EPHA3: variants seen among roughly 807,000 people sequenced by gnomAD.
EPHA3 encodes the protein ephrin type-A receptor 3.
EPHA3 carries 42 observed loss-of-function variants against 107.1 expected under a neutral mutation model. That is an observed-to-expected ratio of 0.39 (90% confidence interval 0.31 to 0.51). The LOEUF (loss-of-function observed/expected upper bound fraction) is 0.51. EPHA3 is among the 20% of genes least tolerant of loss of function. The probability of loss-of-function intolerance (pLI) is 0.78; values close to 1 mark genes in which losing one functional copy is unlikely to be tolerated. For synonymous variants in EPHA3, 461 were observed against 424.8 expected (o/e 1.09, Z -1.05); for missense variants, 1,183 against 1,211.2 (o/e 0.98, Z 0.35).
At chr3:89,149,552 G>A (rs956598311) in intron 2 of EPHA3, among the ~76,000 whole-genome samples, 1 of 151,862 alleles carries the variant, frequency 6.6e-6, no homozygotes, top group Admixed American at 6.6e-5. Flanking sequence ...TGTTACATAT[G>A]TATACATGTG....
In EPHA3 at chr3:89,229,270, C is replaced by T. The variant is rs1704571208; in HGVS notation, c.814+18750C>T. ...TCAGTGAATAAAGAAGTAAAAATCA[C>T]TTTAGTGATAAATTACTCTGTAATT... On this transcript the variant is annotated intron_variant, in intron 3 of 16. Transcript: ENST00000336596. Among the ~76,000 whole-genome samples the T allele has an allele frequency of 5.3e-5, 8 of 152,010 alleles. 1 individual carries two copies. In the South Asian group the frequency reaches 1.5e-3, roughly 28 times the overall value.
At chr3:89,178,230 A>C (rs1382522924) in intron 2 of EPHA3, among the ~76,000 whole-genome samples, 1 of 136,862 alleles carries the variant, frequency 7.3e-6, no homozygotes, top group African/African-American at 2.6e-5. Flanking sequence ...GCTTATAATC[A>C]AGAGACATAT....
At chr3:89,341,336 A>G (rs1250042637) in intron 4 of EPHA3, among the ~76,000 whole-genome samples, 1 of 152,192 alleles carries the variant, frequency 6.6e-6, no homozygotes, top group East Asian at 1.9e-4. Context: ...TAGATCCTGC[A>G]TTACATATGA....
At chr3:89,299,724 C>T (rs1271312859) in intron 3 of EPHA3, among the ~76,000 whole-genome samples, 1 of 151,898 alleles carries the variant, frequency 6.6e-6, no homozygotes, top group Non-Finnish European at 1.5e-5. Context: ...AATCCAGTCT[C>T]TTATTACAGA....
intron 2 of EPHA3, among the ~76,000 whole-genome samples, chr3:89,138,425 A>C (rs1299367327): frequency 1.3e-5 from 2 of 151,960 alleles, no homozygotes; most frequent in Non-Finnish European, 2.9e-5. Flanking sequence ...CCAAAAACTA[A>C]ATAAACAATG....
At chr3:89,271,588 C>A (rs1339842772) in intron 3 of EPHA3, among the ~76,000 whole-genome samples, 1 of 151,722 alleles carries the variant, frequency 6.6e-6, no homozygotes, top group South Asian at 2.1e-4. Flanking sequence ...TAAAACAAAA[C>A]GTATACTGTT....
chr3:89,112,684 CAT>C (rs1342990527), intron 1 of EPHA3, among the ~76,000 whole-genome samples: 1 of 151,124 alleles, frequency 6.6e-6, no homozygotes, highest in Non-Finnish European at 1.5e-5. Context: ...TTTTCCAAGT[CAT>C]AAGATCTTCA....
rs1223575275 is a variant in EPHA3, at chr3:89,449,138, G to T, written c.2347-87G>T. ...CCATTTCAGAACAGAAATACTATGAGAAATTCTGTCCGGTTTCAGATTATG... is the reference window on the plus strand; with the variant it reads ...CCATTTCAGAACAGAAATACTATGATAAATTCTGTCCGGTTTCAGATTATG... On this transcript the variant is annotated intron_variant, in intron 13 of 16. Coordinates refer to ENST00000336596, the MANE Select transcript of EPHA3 (RefSeq NM_005233.6). 15 of 1,276,266 alleles carry T rather than the reference G, an allele frequency of 1.2e-5. No homozygotes were observed. In the African/African-American group the frequency reaches 2.0e-4, roughly 17 times the overall value. 79.1% of individuals were successfully genotyped at this position (1,276,266 alleles called of 1,614,324 possible).
intron 3 of EPHA3, among the ~76,000 whole-genome samples, chr3:89,306,806 G>A (rs905876416): frequency 6.6e-6 from 1 of 152,148 alleles, no homozygotes; most frequent in Non-Finnish European, 1.5e-5. Context: ...GCAGAATTCT[G>A]TCTTTCAATA....
In EPHA3 at chr3:89,145,792, AT is replaced by A. The variant is rs1323142270; in HGVS notation, c.153+18522del. On this transcript the variant is annotated intron_variant, in intron 2 of 16. Coordinates refer to ENST00000336596, the MANE Select transcript of EPHA3 (RefSeq NM_005233.6). The stretch of plus-strand genomic sequence containing the variant: ...TTTTTCTCAAGTGTGTCTAGAATCG[AT>A]TTCTCACTCTCCATTTCACTGTTGC... 2.0e-5 allele frequency among the ~76,000 whole-genome samples: 3 copies of A among 151,538 alleles called. No homozygotes were observed. In the Admixed American group the frequency reaches 2.0e-4, roughly 10 times the overall value.
chr3:89,394,524 A>C (rs911319174), intron 5 of EPHA3, among the ~76,000 whole-genome samples: 7 of 152,218 alleles, frequency 4.6e-5, no homozygotes, highest in Admixed American at 2.0e-4. Context: ...AGTAGATTCT[A>C]TTTTTTGGTG....
chr3:89,460,131 T>C (rs1710192763), intron 15 of EPHA3, among the ~76,000 whole-genome samples: 1 of 152,186 alleles, frequency 6.6e-6, no homozygotes, highest in Admixed American at 6.5e-5. Context: ...ATGAGATTTT[T>C]ATTATTGACA....
Position 89,125,014 on chromosome 3 carries a change from T to C in EPHA3, c.89-2195T>C, listed in dbSNP as rs144373172. Among the ~76,000 whole-genome samples the C allele has an allele frequency of 1.7e-3, 265 of 152,030 alleles. 1 individual carries two copies. Among genetic ancestry groups the C allele is most frequent in the African/African-American group, 5.8e-3 (243 of 41,556 alleles). ...TATCAGAAGAAACGTAAGGATATGG[T>C]AGTTCATTAGTTGACAACCTACATT... On this transcript the variant is annotated intron_variant, in intron 1 of 16. Transcript: ENST00000336596.
intron 3 of EPHA3, among the ~76,000 whole-genome samples, chr3:89,298,924 G>A (rs1188607232): frequency 6.6e-6 from 1 of 151,982 alleles, no homozygotes; most frequent in Non-Finnish European, 1.5e-5. Flanking sequence ...TCATGAAGAT[G>A]ATAATACAGG....
At chr3:89,210,572 A>G (rs768314298) in intron 3 of EPHA3, 52 bp downstream of exon 3, 3 of 1,480,438 alleles carry the variant, frequency 2.0e-6, no homozygotes, top group Admixed American at 2.5e-5. Context: ...CTATGAGTTT[A>G]TCATAGTGTC....
chr3:89,445,345 T>A (rs2107549706), intron 13 of EPHA3, among the ~76,000 whole-genome samples: 1 of 152,320 alleles, frequency 6.6e-6, no homozygotes, highest in African/African-American at 2.4e-5. Flanking sequence ...GCTCTTCTTT[T>A]AGACTGAGTT....
At chr3:89,466,500 C>T (rs1710278199) in intron 15 of EPHA3, among the ~76,000 whole-genome samples, 2 of 133,852 alleles carry the variant, frequency 1.5e-5, no homozygotes, top group Non-Finnish European at 3.2e-5. Context: ...GGGCGTAGGA[C>T]CCTCCGAGCC....
chr3:89,371,737 C>G (rs1374274098), intron 5 of EPHA3, among the ~76,000 whole-genome samples: 24 of 150,850 alleles, frequency 1.6e-4, no homozygotes, highest in South Asian at 2.1e-4. Flanking sequence ...CACACACACA[C>G]ACACAACACA....
At chr3:89,111,467 TTTTTGTAATTTAA>T (rs1363523186) in intron 1 of EPHA3, among the ~76,000 whole-genome samples, 1 of 151,994 alleles carries the variant, frequency 6.6e-6, no homozygotes, top group African/African-American at 2.4e-5. Flanking sequence ...GCATTATACA[TTTTTGTAATTTAA>T]TAGCTCTCCT....
Sources: allele counts gnomAD v4.1 joint callset (sites outside exome capture counted in the v4.1 genomes callset), GRCh38; gene constraint gnomAD v4.1.1; transcripts MANE v1.5; gene names NCBI Gene and HGNC (gene_info 2026-07-23, HGNC 2026-07-21).